Variants in MAGI2 observed in about 807,000 individuals in gnomAD.
MAGI2 encodes the protein membrane-associated guanylate kinase, WW and PDZ domain-containing protein 2.
A neutral mutation model predicts 133.3 loss-of-function variants in MAGI2; 35 were observed. The observed-to-expected ratio is 0.26, with a 90% confidence interval of 0.20 to 0.35. The LOEUF is 0.35. MAGI2 is among the 10% of genes least tolerant of loss of function. The pLI, the probability that MAGI2 is intolerant of heterozygous loss-of-function variation, is 1.00. For missense variants in MAGI2, 1,636 were observed against 1,863.4 expected (o/e 0.88, Z 2.25); for synonymous variants, 729 against 710.6 (o/e 1.03, Z -0.41).
chr7:78,022,071 C>T (rs1418515639), intron 21 of MAGI2, among the ~76,000 whole-genome samples: 1 of 152,200 alleles, frequency 6.6e-6, no homozygotes, highest in Non-Finnish European at 1.5e-5. Context: ...CATTTTGCTA[C>T]ACCTCAGGTA....
In MAGI2 at chr7:78,511,359, G is replaced by C. The variant is rs542576304; in HGVS notation, c.755-9572C>G. 2.1e-4 allele frequency among the ~76,000 whole-genome samples: 32 copies of C among 151,942 alleles called. No homozygotes were observed. The South Asian group carries it at 5.6e-3, about 27-fold the overall frequency. ...TTTCAGTGTCTTCAGAAAGGGAGCAGTCACGCATTCTACACAGTCAGTTCA... is the reference window on the plus strand; with the variant it reads ...TTTCAGTGTCTTCAGAAAGGGAGCACTCACGCATTCTACACAGTCAGTTCA... On this transcript the variant is annotated intron_variant, in intron 4 of 21. Coordinates refer to ENST00000354212, the MANE Select transcript of MAGI2 (RefSeq NM_012301.4).
At chr7:78,537,653 C>T (rs1446538484) in intron 3 of MAGI2, among the ~76,000 whole-genome samples, 1 of 152,046 alleles carries the variant, frequency 6.6e-6, no homozygotes, top group Non-Finnish European at 1.5e-5. Context: ...TTTGTGAGAA[C>T]TGTCCATATT....
At chr7:78,612,960 G>T (rs1052221926) in intron 3 of MAGI2, among the ~76,000 whole-genome samples, 1 of 152,132 alleles carries the variant, frequency 6.6e-6, no homozygotes. Flanking sequence ...GTGAGCCACC[G>T]CGCCAGGCCG....
chr7:79,148,333 T>C (rs1461680237), intron 1 of MAGI2, among the ~76,000 whole-genome samples: 1 of 152,148 alleles, frequency 6.6e-6, no homozygotes, highest in Non-Finnish European at 1.5e-5. Context: ...ATCTGTGTCT[T>C]GAGTGATGTT....
At chr7:78,801,579 C>T (rs1246384800) in intron 2 of MAGI2, among the ~76,000 whole-genome samples, 3 of 150,076 alleles carry the variant, frequency 2.0e-5, no homozygotes, top group East Asian at 3.9e-4. Flanking sequence ...GAGGAAAATA[C>T]ATTAATAGCA....
chr7:79,012,013 T>C lies in MAGI2; in HGVS notation c.302-4807A>G, dbSNP rs966592398. The C allele has an allele frequency of 5.3e-5, 8 of 151,752 alleles. No homozygotes were observed. The East Asian group carries it at 1.6e-3, about 29-fold the overall frequency. 9.4% of individuals were successfully genotyped at this position (151,752 alleles called of 1,614,324 possible). On this transcript the variant is annotated intron_variant, in intron 1 of 21. Transcript: ENST00000354212. ...GTTTTTTATTGAGTAGCTATATCAT[T>C]CAGTACATGTAGTGGGTCTTTGTGC... is the stretch of plus-strand genomic sequence containing the variant.
chr7:78,430,087 C>A (rs930331020), intron 6 of MAGI2, among the ~76,000 whole-genome samples: 2 of 152,072 alleles, frequency 1.3e-5, no homozygotes, highest in African/African-American at 4.8e-5. Flanking sequence ...TGTTAAAATG[C>A]AAATGCAGAT....
At chr7:78,508,424 T>C (rs1795278502) in intron 4 of MAGI2, among the ~76,000 whole-genome samples, 1 of 152,258 alleles carries the variant, frequency 6.6e-6, no homozygotes, top group Non-Finnish European at 1.5e-5. Flanking sequence ...AAATAGAAAT[T>C]AACTTTGCTG....
intron 1 of MAGI2, among the ~76,000 whole-genome samples, chr7:79,228,413 T>C (rs1417911003): frequency 1.5e-5 from 2 of 136,688 alleles, no homozygotes; most frequent in Non-Finnish European, 3.1e-5. Context: ...AAAGAGAATC[T>C]ATGCCAAGTG....
rs546662924 is a variant in MAGI2, at chr7:78,427,601, T to A, written c.1046-58388A>T. On this transcript the variant is annotated intron_variant, in intron 6 of 21. Transcript: ENST00000354212. ...AGAATCAGTCAAAAATAGACAAATG[T>A]ATAATCATAGTGAAAGATTTTAATA... Among the ~76,000 whole-genome samples the A allele has an allele frequency of 6.3e-5, 9 of 143,588 alleles. 1 individual carries two copies. The South Asian group carries it at 1.5e-3, about 24-fold the overall frequency. The allele number at this position is 143,588 out of a possible 152,430, so 94.2% of individuals were successfully genotyped here. A position where few individuals can be genotyped will look rare whatever the true frequency, so the allele number is the denominator to read the frequency against.
chr7:78,771,157 TCCCTCTCC>T (rs1563484040), intron 2 of MAGI2: 4 of 152,062 alleles, frequency 2.6e-5, no homozygotes, highest in Non-Finnish European at 4.4e-5. Context: ...TCTCCCTCTC[TCCCTCTCC>T]CTCTCTCTCC....
At position 78,095,044 on chromosome 7, in the gene MAGI2, G is replaced by GC. The variant is rs1395645621; in HGVS notation, c.3568-15960dup. Among the ~76,000 whole-genome samples the GC allele has an allele frequency of 2.6e-5, 4 of 152,130 alleles. No individual in the cohort carries two copies. In the East Asian group the frequency reaches 7.7e-4, roughly 29 times the overall value. On this transcript the variant is annotated intron_variant, in intron 20 of 21. Transcript: ENST00000354212. ...CTAGAGAGATCAAGAGTTGCTGGTG[G>GC]CAAGTCTGCTCTCTTCTTTTTGCTG...
chr7:78,386,259 T>C (rs1168627142), intron 6 of MAGI2, among the ~76,000 whole-genome samples: 1 of 152,158 alleles, frequency 6.6e-6, no homozygotes, highest in Non-Finnish European at 1.5e-5. Context: ...ATATATTCTC[T>C]CTATATAATA....
intron 2 of MAGI2, among the ~76,000 whole-genome samples, chr7:78,660,649 C>A (rs921767083): frequency 6.6e-6 from 1 of 152,038 alleles, no homozygotes; most frequent in Non-Finnish European, 1.5e-5. Flanking sequence ...TTTTAAAACC[C>A]GCTTAAGTAA....
At chr7:78,320,799 AG>A (rs1787917053) in intron 9 of MAGI2, among the ~76,000 whole-genome samples, 1 of 152,178 alleles carries the variant, frequency 6.6e-6, no homozygotes, top group Non-Finnish European at 1.5e-5. Context: ...AAAGAAACAA[AG>A]GGTATTCAAA....
At chr7:78,628,203 T>C (rs1490942478) in intron 2 of MAGI2, among the ~76,000 whole-genome samples, 1 of 152,190 alleles carries the variant, frequency 6.6e-6, no homozygotes, top group Non-Finnish European at 1.5e-5. Flanking sequence ...CTCCCTTGAA[T>C]ATGCCCTAAG....
chr7:78,622,084 T>TA (rs763838939), intron 3 of MAGI2, among the ~76,000 whole-genome samples: 5 of 152,022 alleles, frequency 3.3e-5, no homozygotes, highest in Non-Finnish European at 7.4e-5. Context: ...TAGTTTCTAA[T>TA]ATCCCTGACA....
chr7:79,137,128 C>A (rs1040839670), intron 1 of MAGI2, among the ~76,000 whole-genome samples: 4 of 151,996 alleles, frequency 2.6e-5, no homozygotes, highest in African/African-American at 9.7e-5. Context: ...TGGCTGTTTT[C>A]TCTGGCTTAT....
chr7:78,222,760 T>C lies in MAGI2; in HGVS notation c.2048-21567A>G, dbSNP rs1788958298. 1.3e-5 allele frequency among the ~76,000 whole-genome samples: 2 copies of C among 152,148 alleles called. 1 individual carries two copies. The highest frequency in any genetic ancestry group is 4.8e-5 in the African/African-American group (2 of 41,420). ...TTCTTAACACATAGGTCCTGTACTG[T>C]TGCAGGAAACTTCATGAGCTAACAA... On this transcript the variant is annotated intron_variant, in intron 10 of 21. Coordinates refer to ENST00000354212, the MANE Select transcript of MAGI2 (RefSeq NM_012301.4).
Sources: gnomAD v4.1 joint callset for allele counts (sites outside exome capture counted in the v4.1 genomes callset) on GRCh38, gnomAD v4.1.1 for gene constraint, MANE v1.5 for transcripts, NCBI Gene and HGNC (gene_info 2026-07-23, HGNC 2026-07-21) for gene names.